The following DDC variants were observed in gnomAD, a reference collection of about 807,000 sequenced individuals.
DDC encodes aromatic-L-amino-acid decarboxylase.
A neutral mutation model predicts 60.0 loss-of-function variants in DDC; 43 were observed. The ratio of observed to expected loss-of-function variants is 0.72; its 90% CI spans 0.56 to 0.92. The LOEUF is 0.92. Ranked by LOEUF, DDC falls within the 40% of genes least tolerant of loss-of-function variation. The pLI, the probability that DDC is intolerant of heterozygous loss-of-function variation, is 0.00. For synonymous variants in DDC, 232 were observed against 234.6 expected (o/e 0.99, Z 0.10); for missense variants, 573 against 620.2 (o/e 0.92, Z 0.81).
chr7:50,528,337 A>G, intron 5 of DDC, 57 bp from the exon 6 acceptor site: 1 of 1,610,738 alleles, frequency 6.2e-7, no homozygotes, highest in Non-Finnish European at 8.5e-7. Flanking sequence ...AGTTATTACC[A>G]GGCCCTGGAT....
rs1056638351 is a variant in DDC at position 50,475,929 on chromosome 7, A to T, written c.1041+695T>A. 5.3e-5 allele frequency among the ~76,000 whole-genome samples: 8 copies of T among 152,146 alleles called. No homozygotes were observed. In the South Asian group the frequency reaches 1.2e-3, roughly 24 times the overall value. On this transcript the variant is annotated intron_variant, in intron 11 of 14. Coordinates refer to ENST00000444124, the MANE Select transcript of DDC (RefSeq NM_001082971.2). ...GGTCTCGAAGACCTGACCTCAGATGATCCACCCACCTCAGCCTCTCAAAGT... is the reference window on the plus strand; with the variant it reads ...GGTCTCGAAGACCTGACCTCAGATGTTCCACCCACCTCAGCCTCTCAAAGT...
chr7:50,558,166 TA>T (rs1445989756), intron 1 of DDC, among the ~76,000 whole-genome samples: 1 of 151,926 alleles, frequency 6.6e-6, no homozygotes, highest in African/African-American at 2.4e-5. Context: ...CAAGAGATCA[TA>T]ACCATCTGCC....
intron 4 of DDC, among the ~76,000 whole-genome samples, chr7:50,530,970 C>T (rs2044185596): frequency 6.6e-6 from 1 of 152,176 alleles, no homozygotes; most frequent in African/African-American, 2.4e-5. Context: ...TTTGAGCCAA[C>T]CCACATCCTT....
intron 6 of DDC, among the ~76,000 whole-genome samples, chr7:50,520,027 A>G (rs2153543756): frequency 6.6e-6 from 1 of 152,340 alleles, no homozygotes; most frequent in South Asian, 2.1e-4. Flanking sequence ...CAGTTACTAT[A>G]TTATTAGTGA....
chr7:50,503,163 AC>A (rs1483772020), intron 7 of DDC, among the ~76,000 whole-genome samples: 2 of 152,214 alleles, frequency 1.3e-5, no homozygotes, highest in African/African-American at 4.8e-5. Context: ...GGGATCTGGC[AC>A]AGGCCACAGG....
chr7:50,459,298 G>T (rs977660142), intron 14 of DDC, among the ~76,000 whole-genome samples: 2 of 152,176 alleles, frequency 1.3e-5, no homozygotes, highest in African/African-American at 2.4e-5. Flanking sequence ...GAGTGATCTC[G>T]GCTCGCTACA....
At chr7:50,480,013 G>A in intron 9 of DDC, 150 bp from the exon 10 acceptor site, 1 of 680,766 alleles carries the variant, frequency 1.5e-6, no homozygotes. Context: ...TCTGCTCCAA[G>A]TACCTGGGGA....
At chr7:50,549,461 G>A (rs2044910036) in intron 1 of DDC, among the ~76,000 whole-genome samples, 1 of 152,060 alleles carries the variant, frequency 6.6e-6, no homozygotes, top group African/African-American at 2.4e-5. Context: ...GACCATCCTG[G>A]CTAACACGGT....
intron 9 of DDC, among the ~76,000 whole-genome samples, chr7:50,489,548 T>C (rs944651118): frequency 9.9e-5 from 15 of 152,190 alleles, no homozygotes; most frequent in Admixed American, 7.9e-4. Flanking sequence ...TCTTAAACAC[T>C]GACAGCAGTT....
intron 6 of DDC, among the ~76,000 whole-genome samples, chr7:50,507,717 T>G (rs1431068983): frequency 1.3e-5 from 2 of 152,166 alleles, no homozygotes; most frequent in African/African-American, 4.8e-5. Flanking sequence ...ATTTTTTTTG[T>G]TCTGAGTATG....
At chr7:50,511,677 C>T (rs2043584815) in intron 6 of DDC, among the ~76,000 whole-genome samples, 1 of 151,954 alleles carries the variant, frequency 6.6e-6, no homozygotes, top group Admixed American at 6.6e-5. Context: ...TGCAGTGAGC[C>T]AAGATCGCGC....
intron 8 of DDC, among the ~76,000 whole-genome samples, chr7:50,497,369 G>A (rs940865700): frequency 6.6e-6 from 1 of 152,208 alleles, no homozygotes; most frequent in African/African-American, 2.4e-5. Context: ...GAAACCTCAA[G>A]TTGTCAGTTC....
At chr7:50,467,190 A>G (rs767018677) in intron 13 of DDC, 24 bp downstream of exon 13, 1 of 1,578,966 alleles carries the variant, frequency 6.3e-7, no homozygotes, top group South Asian at 1.1e-5. Context: ...CAGAAAATGA[A>G]GAATGGAATA....
chr7:50,504,423 T>C (rs1441699795), intron 6 of DDC, among the ~76,000 whole-genome samples: 1 of 151,942 alleles, frequency 6.6e-6, no homozygotes, highest in African/African-American at 2.4e-5. Context: ...TTATTAAATA[T>C]ACATATATAT....
In DDC at chr7:50,470,047, G is replaced by A. The variant is rs377271346; in HGVS notation, c.1140+26C>T. The stretch of plus-strand genomic sequence containing the variant: ...CCCGAAAGACCTCCGCAATTTTACC[G>A]TGATAAATAATAAAAACAAAGTCAC... On this transcript the variant is annotated intron_variant, in intron 12 of 14. Transcript: ENST00000444124. The A allele has an allele frequency of 2.6e-4, 373 of 1,440,090 alleles. 1 individual carries two copies. The highest frequency in any genetic ancestry group is 8.0e-4 in the Admixed American group (48 of 59,794). The allele number at this position is 1,440,090 out of a possible 1,614,324, so 89.2% of individuals were successfully genotyped here.
At chr7:50,559,520 C>G (rs928000298) in intron 1 of DDC, among the ~76,000 whole-genome samples, 4 of 152,062 alleles carry the variant, frequency 2.6e-5, no homozygotes, top group Non-Finnish European at 5.9e-5. Flanking sequence ...CTCCGCCTCC[C>G]GGGTTCAAGC....
chr7:50,539,807 C>A lies in DDC; in HGVS notation c.315+108G>T, dbSNP rs11575303. On this transcript the variant is annotated intron_variant, in intron 3 of 14. Coordinates refer to ENST00000444124, the MANE Select transcript of DDC (RefSeq NM_001082971.2). The stretch of plus-strand genomic sequence containing the variant: ...CCTGCAACAGTAGCCCGTCTGCCCA[C>A]AGACAGCACCGCCATCTGCTCAGGT... 2.8e-3 allele frequency: 2,226 copies of A among 809,056 alleles called. 11 individuals carry two copies. Among genetic ancestry groups the A allele is most frequent in the Non-Finnish European group, 3.9e-3 (1,868 of 475,490 alleles). The allele number at this position is 809,056 out of a possible 1,614,324, so 50.1% of individuals were successfully genotyped here.
In DDC at chr7:50,472,248, C is replaced by T. The variant is rs369851752; in HGVS notation, c.1042-2077G>A. Among the ~76,000 whole-genome samples the T allele has an allele frequency of 2.0e-5, 3 of 152,292 alleles. No homozygotes were observed. In the East Asian group the frequency reaches 5.8e-4, roughly 29 times the overall value. ...TCCCAGCCCCAAGCCCAGCACCTGG[C>T]TTGGCATGGCGCGGCCAGCCCACAT... On this transcript the variant is annotated intron_variant, in intron 11 of 14. Transcript: ENST00000444124.
chr7:50,560,120 C>A (rs896889108), intron 1 of DDC, among the ~76,000 whole-genome samples: 2 of 152,184 alleles, frequency 1.3e-5, no homozygotes, highest in Non-Finnish European at 2.9e-5. Context: ...ACGCTGCCAG[C>A]AGGACTCCGG....
Sources: gnomAD v4.1 joint callset for allele counts (sites outside exome capture counted in the v4.1 genomes callset) on GRCh38, gnomAD v4.1.1 for gene constraint, MANE v1.5 for transcripts, NCBI Gene and HGNC (gene_info 2026-07-23, HGNC 2026-07-21) for gene names.